Variants in FAM107A observed in about 807,000 individuals in gnomAD.
The protein encoded by FAM107A is family with sequence similarity 107 member A, also known as actin-associated protein FAM107A.
Under a neutral mutation model 13.7 loss-of-function variants are expected in FAM107A, and 19 were observed. The observed-to-expected ratio is 1.38, with a 90% CI of 0.97 to 2.03. FAM107A has a LOEUF of 2.03. Among genes scored for constraint, FAM107A ranks in the 30% most tolerant of loss-of-function variants. The pLI is 0.00. For synonymous variants in FAM107A, 82 were observed against 74.5 expected (o/e 1.10, Z -0.52); for missense variants, 203 against 184.4 (o/e 1.10, Z -0.58).
At chr3:58,577,671 G>C, upstream of FAM107A, 1 of 985,340 alleles carries the variant, frequency 1.0e-6, no homozygotes, top group Non-Finnish European at 1.2e-6. The surrounding 1 kb of genome is among the most constrained non-coding windows in gnomAD (Gnocchi z 4.9). Context: ...GGCGGCTCAC[G>C]TAAAGGAATT....
rs1354102501 is a variant in FAM107A at position 58,567,267 on chromosome 3, T to G, written c.268A>C (p.Lys90Gln). The G allele has an allele frequency of 1.2e-6, 2 of 1,613,956 alleles. No homozygotes were observed. Among genetic ancestry groups the G allele is most frequent in the African/African-American group, 1.3e-5 (1 of 74,926 alleles). Residue 90 changes from lysine to glutamine, a missense_variant, in exon 3 of 4, where the codon AAG (lysine) becomes CAG (glutamine). By Grantham distance (53) the Lys-to-Gln change is moderately conservative. Coordinates refer to ENST00000360997, the MANE Select transcript of FAM107A (RefSeq NM_001076778.3). ...IKKKKEELEA[K>Q]RLQCPFEQEL... ...TGCTCAAAGGGGCACTGCAGCCGCT[T>G]GGCTTCCAGCTCCTCCTTCTTCTTC...
At chr3:58,590,779 A>G (rs2065648615), upstream of FAM107A, among the ~76,000 whole-genome samples, 1 of 152,188 alleles carries the variant, frequency 6.6e-6, no homozygotes, top group Non-Finnish European at 1.5e-5. Flanking sequence ...CTCCCTTGAC[A>G]TGTGGGGATT....
In FAM107A at chr3:58,577,299, A is replaced by G. The variant is rs1001572253; in HGVS notation, c.-6+10T>C. On this transcript the variant is annotated intron_variant, in intron 1 of 3. Coordinates refer to ENST00000360997, the MANE Select transcript of FAM107A (RefSeq NM_001076778.3). This position sits in a 1 kb window ranked among gnomAD's most constrained non-coding sequence, Gnocchi z 4.9. ...CAACAGCAGATGAAACAGAACAGAG[A>G]TGGTCTTACTTCTCAGGTCGAGTCC... is the stretch of plus-strand genomic sequence containing the variant. The G allele has an allele frequency of 1.8e-5, 18 of 984,204 alleles. No individual in the cohort carries two copies. Among genetic ancestry groups the G allele is most frequent in the Non-Finnish European group, 2.2e-5 (18 of 828,978 alleles). 61.0% of individuals were successfully genotyped at this position (984,204 alleles called of 1,614,324 possible).
chr3:58,604,222 T>C lies in FAM107A; in HGVS notation c.-69-14953A>G, dbSNP rs1351970300. On this transcript the variant is annotated intron_variant, in intron 1 of 3. Coordinates refer to the FAM107A transcript ENST00000465970. This position sits in a 1 kb window ranked among gnomAD's most constrained non-coding sequence, Gnocchi z 4.1. ...AGACATTTCTCAAGAAAGGTTCCTT[T>C]GGAAAATGAGCTCAGTCTCTGCCCA... Among the ~76,000 whole-genome samples the C allele has an allele frequency of 6.6e-6, 1 of 152,164 alleles. No individual in the cohort carries two copies. The highest frequency in any genetic ancestry group is 2.4e-5 in the African/African-American group (1 of 41,442).
chr3:58,583,239 C>T (rs114388567), intron 1 of FAM107A, among the ~76,000 whole-genome samples: 1 of 152,344 alleles, frequency 6.6e-6, no homozygotes, highest in Non-Finnish European at 1.5e-5. Flanking sequence ...TGTGGCCGCC[C>T]GTGGTTAGTG....
At chr3:58,612,556 G>C (rs1389331564) in intron 1 of FAM107A, among the ~76,000 whole-genome samples, 3 of 151,582 alleles carry the variant, frequency 2.0e-5, no homozygotes, top group Non-Finnish European at 4.4e-5. Context: ...CTCCAGCCTG[G>C]GTGACAGAGA....
At chr3:58,606,461 C>G (rs928928103) in intron 1 of FAM107A, among the ~76,000 whole-genome samples, 6 of 152,264 alleles carry the variant, frequency 3.9e-5, no homozygotes, top group African/African-American at 1.4e-4. Context: ...GTCTTACTCT[C>G]TTGCTCTGCT....
rs143997208 is a variant in FAM107A at position 58,572,184 on chromosome 3, A to G, written c.-5-2319T>C. On this transcript the variant is annotated intron_variant, in intron 1 of 3. Coordinates refer to ENST00000360997, the MANE Select transcript of FAM107A (RefSeq NM_001076778.3). Reference sequence around the variant, plus strand: ...ATAAAAATAGTCATGCATTCCACACATGTTCGAGTTCCTGTGATTTTCCTG... The same window carrying G: ...ATAAAAATAGTCATGCATTCCACACGTGTTCGAGTTCCTGTGATTTTCCTG... 3.3e-3 allele frequency among the ~76,000 whole-genome samples: 510 copies of G among 152,276 alleles called. 6 individuals carry two copies. The highest frequency in any genetic ancestry group is 0.012 in the African/African-American group (483 of 41,550).
At chr3:58,605,806 C>A (rs976055667) in intron 1 of FAM107A, among the ~76,000 whole-genome samples, 4 of 152,290 alleles carry the variant, frequency 2.6e-5, no homozygotes, top group African/African-American at 7.2e-5. Context: ...AGCCAAGGTT[C>A]AGAGGGGTAC....
At chr3:58,608,635 GA>G (rs1265045089) in intron 1 of FAM107A, among the ~76,000 whole-genome samples, 1 of 152,116 alleles carries the variant, frequency 6.6e-6, no homozygotes, top group Non-Finnish European at 1.5e-5. Flanking sequence ...GGAGCTGGAA[GA>G]AACCACCTAG....
chr3:58,567,292 C>T lies in FAM107A; in HGVS notation c.243G>A (p.Lys81=). 1 of 1,613,686 alleles carries T rather than the reference C, an allele frequency of 6.2e-7. No homozygotes were observed. Among genetic ancestry groups the T allele is most frequent in the Non-Finnish European group, 8.5e-7 (1 of 1,179,864 alleles). The change falls in exon 3 of 4, where the codon AAG becomes AAA. Residue 81 remains lysine, a synonymous_variant. Coordinates refer to ENST00000360997, the MANE Select transcript of FAM107A (RefSeq NM_001076778.3). ...TGGCTTCCAGCTCCTCCTTCTTCTTCTTGATGAGCTGGTTCCGCCGGCGGT... is the reference window on the plus strand; with the variant it reads ...TGGCTTCCAGCTCCTCCTTCTTCTTTTTGATGAGCTGGTTCCGCCGGCGGT... ...LEHRRRNQLI[K]KKKEELEAKR...
In FAM107A at chr3:58,566,602, C is replaced by CTG; in HGVS notation, c.420_421insCA (p.Glu141GlnfsTer82). 1.2e-6 allele frequency: 2 copies of CTG among 1,613,382 alleles called. No individual in the cohort carries two copies. Among genetic ancestry groups the CTG allele is most frequent in the African/African-American group, 1.3e-5 (1 of 74,968 alleles). ...GGCAGCTGGCCCTACAGCTCTCTCTCTTCGCTGGTCAGTGTGGCAATTCTC... is the reference window on the plus strand; with the variant it reads ...GGCAGCTGGCCCTACAGCTCTCTCTCTGTTCGCTGGTCAGTGTGGCAATTCTC... On this transcript the variant is annotated frameshift_variant, in exon 4 of 4. Coordinates refer to ENST00000360997, the MANE Select transcript of FAM107A (RefSeq NM_001076778.3). LOFTEE classifies it high-confidence loss of function.
rs558831846 is a variant in FAM107A at position 58,598,997 on chromosome 3, G to A, written c.-69-9728C>T. 3.9e-5 allele frequency among the ~76,000 whole-genome samples: 6 copies of A among 152,044 alleles called. No homozygotes were observed. In the East Asian group the frequency reaches 9.7e-4, roughly 24 times the overall value. ...GCTCTTGTCGCCCAGGCTGGAGTGC[G>A]ATGCTGGGATCTCGGCTCACTGTGA... On this transcript the variant is annotated intron_variant, in intron 1 of 3. Transcript: ENST00000465970.
At chr3:58,603,158 C>T (rs1360479208) in intron 1 of FAM107A, among the ~76,000 whole-genome samples, 2 of 152,160 alleles carry the variant, frequency 1.3e-5, no homozygotes, top group Non-Finnish European at 2.9e-5. Flanking sequence ...AACTCTGCCT[C>T]AACTGTATTA....
chr3:58,574,205 T>C (rs2063711546), intron 1 of FAM107A: 2 of 152,216 alleles, frequency 1.3e-5, no homozygotes, highest in Admixed American at 6.5e-5. Context: ...AGATGGAGCC[T>C]TCTCATCCTC....
At chr3:58,610,720 C>T (rs2065845754) in intron 1 of FAM107A, among the ~76,000 whole-genome samples, 2 of 152,166 alleles carry the variant, frequency 1.3e-5, no homozygotes, top group Admixed American at 6.5e-5. Context: ...TTCCAAGGGC[C>T]ACCCTCTTCC....
chr3:58,612,847 G>A (rs796240607), intron 1 of FAM107A, among the ~76,000 whole-genome samples: 17 of 152,060 alleles, frequency 1.1e-4, no homozygotes, highest in African/African-American at 1.7e-4. Flanking sequence ...TCTCATCACC[G>A]CCCCCTTGCC....
At chr3:58,567,877 G>A (rs1559473422) in intron 2 of FAM107A, among the ~76,000 whole-genome samples, 1 of 152,112 alleles carries the variant, frequency 6.6e-6, no homozygotes, top group Non-Finnish European at 1.5e-5. Flanking sequence ...TTAGTCACAT[G>A]GAACAACATT....
chr3:58,621,758 C>A (rs2065957877), intron 1 of FAM107A, among the ~76,000 whole-genome samples: 1 of 152,224 alleles, frequency 6.6e-6, no homozygotes, highest in Non-Finnish European at 1.5e-5. Flanking sequence ...TGGATGCTTT[C>A]CAAACATCTG....
Sources: allele counts gnomAD v4.1 joint callset (sites outside exome capture counted in the v4.1 genomes callset), GRCh38; gene constraint gnomAD v4.1.1; non-coding constraint Gnocchi (gnomAD v3.1); transcripts MANE v1.5; gene names NCBI Gene and HGNC (gene_info 2026-07-23, HGNC 2026-07-21).